The following RBL1 variants were observed in gnomAD, a reference collection of about 807,000 sequenced individuals.
The protein encoded by RBL1 is retinoblastoma-like protein 1.
Under a neutral mutation model 123.0 loss-of-function variants are expected in RBL1, and 82 were observed. The ratio of observed to expected loss-of-function variants is 0.67; its 90% confidence interval spans 0.56 to 0.80. RBL1 has a LOEUF of 0.80. RBL1 is among the 30% of genes least tolerant of loss of function. RBL1 has a pLI of 0.00. For synonymous variants in RBL1, 405 were observed against 441.3 expected (o/e 0.92, Z 1.03); for missense variants, 1,171 against 1,299.6 (o/e 0.90, Z 1.52).
chr20:37,068,112 A>T lies in RBL1; in HGVS notation c.365T>A (p.Ile122Lys), dbSNP rs2065212507. 1 of 1,613,170 alleles carries T rather than the reference A, an allele frequency of 6.2e-7. No homozygotes were observed. The highest frequency in any genetic ancestry group is 1.3e-5 in the African/African-American group (1 of 74,818). Reference protein sequence around the residue: ...SNLPQEFRERIERLERNFEVS... With the variant: ...SNLPQEFRERKERLERNFEVS... ...CTCAAAATTTCTCTCTAGCCTTTCT[A>T]TACGTTCACGAAATTCTTGTGGTAG... Residue 122 changes from isoleucine to lysine, a missense_variant, in exon 3 of 22, where the codon ATA (isoleucine) becomes AAA (lysine). Ile to Lys is a moderately radical substitution (Grantham distance 102, BLOSUM62 -3). Transcript: ENST00000373664.
intron 2 of RBL1, among the ~76,000 whole-genome samples, chr20:37,088,694 A>G (rs568284392): frequency 6.8e-6 from 1 of 146,108 alleles, no homozygotes; most frequent in South Asian, 2.1e-4. Context: ...ATCTCTACTA[A>G]AAAAAAAAAA....
In RBL1 at chr20:37,012,903, C is replaced by T. The variant is rs1315751442; in HGVS notation, c.2723-5344G>A. Among the ~76,000 whole-genome samples the T allele has an allele frequency of 8.7e-4, 127 of 146,190 alleles. 1 individual carries two copies. The highest frequency in any genetic ancestry group is 3.5e-4 in the Non-Finnish European group (23 of 66,386). On this transcript the variant is annotated intron_variant, in intron 19 of 21. Transcript: ENST00000373664. ...CCTCTGCCCGGCCAGCCGCCCCGTC[C>T]GGGAGGGAGGTGGGGGGTTCAGCCC...
chr20:37,061,019 G>A (rs1255250627), intron 9 of RBL1, 84 bp downstream of exon 9: 1 of 1,354,080 alleles, frequency 7.4e-7, no homozygotes, highest in Non-Finnish European at 9.8e-7. Flanking sequence ...ACTATCTTGA[G>A]AATTCTGAAT....
intron 1 of RBL1, among the ~76,000 whole-genome samples, chr20:37,090,893 G>A (rs113612763): frequency 2.6e-5 from 4 of 152,288 alleles, no homozygotes; most frequent in African/African-American, 9.6e-5. Flanking sequence ...TGCAGCACAC[G>A]ACTGTAGTAA....
intron 2 of RBL1, among the ~76,000 whole-genome samples, chr20:37,073,866 A>T (rs1304236752): frequency 4.0e-5 from 6 of 151,830 alleles, no homozygotes; most frequent in Non-Finnish European, 8.8e-5. Flanking sequence ...AAAAAAATTA[A>T]AAGGCCGAAG....
chr20:37,056,139 T>A lies in RBL1; in HGVS notation c.1363+7A>T. 1 of 1,603,086 alleles carries A rather than the reference T, an allele frequency of 6.2e-7. No individual in the cohort carries two copies. Among genetic ancestry groups the A allele is most frequent in the Non-Finnish European group, 8.5e-7 (1 of 1,177,886 alleles). ...ATGCTATGCCAACTGTAGTTTTCTT[T>A]TCTTACCTATGTGAGATCCTGGCTG... is the stretch of plus-strand genomic sequence containing the variant. On this transcript the variant is annotated splice_region_variant and intron_variant, in intron 10 of 21. Coordinates refer to ENST00000373664, the MANE Select transcript of RBL1 (RefSeq NM_002895.5).
Position 37,065,437 on chromosome 20 carries a change from A to C in RBL1, c.883T>G (p.Phe295Val), listed in dbSNP as rs763079681. The C allele has an allele frequency of 6.9e-6, 11 of 1,592,526 alleles. No homozygotes were observed. The highest frequency in any genetic ancestry group is 9.4e-6 in the Non-Finnish European group (11 of 1,165,932). ...KGECLLDLSS[F>V]TDNSKAVNKE... ...CTAGATATTTACCTATTATCAGTAA[A>C]ACTTGAAAGGTCCAGGAGGCATTCT... Residue 295 changes from phenylalanine to valine, a missense_variant, in exon 7 of 22, where the codon TTT becomes GTT. Physicochemically the swap from Phe to Val is conservative, Grantham distance 50. Transcript: ENST00000373664.
At position 37,084,891 on chromosome 20, in the gene RBL1, G is replaced by A. The variant is rs6031271; in HGVS notation, c.290+4098C>T. ...AGAAATTCTCTTGCCTTAGCCTCCC[G>A]AGTAGCTGGGATTACAGGTGTGCCC... is the stretch of plus-strand genomic sequence containing the variant. On this transcript the variant is annotated intron_variant, in intron 2 of 21. Coordinates refer to ENST00000373664, the MANE Select transcript of RBL1 (RefSeq NM_002895.5). 5.4e-3 allele frequency among the ~76,000 whole-genome samples: 825 copies of A among 151,594 alleles called. 8 individuals carry two copies. The highest frequency in any genetic ancestry group is 0.019 in the African/African-American group (781 of 41,282).
rs537489926 is a variant in RBL1, at chr20:37,030,672, C to T, written c.2382+1993G>A. The stretch of plus-strand genomic sequence containing the variant: ...TAGTTTGAAACCAGCCAAACCAGCA[C>T]GGTGAAACCTCGTCTCTACTAAAAA... On this transcript the variant is annotated intron_variant, in intron 16 of 21. Transcript: ENST00000373664. 4.7e-4 allele frequency among the ~76,000 whole-genome samples: 72 copies of T among 151,904 alleles called. 1 individual carries two copies. The highest frequency in any genetic ancestry group is 3.4e-3 in the Middle Eastern group (1 of 294).
intron 12 of RBL1, among the ~76,000 whole-genome samples, chr20:37,046,803 G>C (rs923850025): frequency 6.6e-6 from 1 of 151,814 alleles, no homozygotes. Context: ...AGTAGAGACG[G>C]AGTTTCACCA....
chr20:37,052,448 C>T (rs1340204742), intron 11 of RBL1, among the ~76,000 whole-genome samples: 3 of 152,142 alleles, frequency 2.0e-5, no homozygotes, highest in African/African-American at 7.2e-5. Flanking sequence ...TCTCCTGCTT[C>T]AGCCTCCCGA....
chr20:37,040,258 C>G lies in RBL1; in HGVS notation c.1798G>C (p.Gly600Arg). Reference protein sequence around the residue: ...EVIFPNNFETGNGGNVQGHLP... With the variant: ...EVIFPNNFETRNGGNVQGHLP... ...TGTCCCTGCACATTTCCTCCATTTC[C>G]TGTTTCAAAGTTATTTGGGAATATA... is the stretch of plus-strand genomic sequence containing the variant. The change falls in exon 14 of 22, where the codon GGA becomes CGA. Residue 600 changes from glycine to arginine, a missense_variant. Gly to Arg is a moderately radical substitution (Grantham distance 125). Transcript: ENST00000373664. 4 of 1,614,058 alleles carry G rather than the reference C, an allele frequency of 2.5e-6. No individual in the cohort carries two copies. The highest frequency in any genetic ancestry group is 3.4e-6 in the Non-Finnish European group (4 of 1,179,964).
At chr20:37,000,736 C>A (rs1337231433) in intron 21 of RBL1, among the ~76,000 whole-genome samples, 1 of 135,046 alleles carries the variant, frequency 7.4e-6, no homozygotes, top group African/African-American at 2.8e-5. Flanking sequence ...GGTCAGCCCC[C>A]CGCCCGGCCA....
intron 14 of RBL1, among the ~76,000 whole-genome samples, chr20:37,038,945 T>C (rs1054950092): frequency 9.8e-5 from 15 of 152,298 alleles, no homozygotes; most frequent in Non-Finnish European, 1.3e-4. Flanking sequence ...AAAGCAAAGA[T>C]TGCAGACAGA....
chr20:37,055,784 C>T (rs946545855), intron 10 of RBL1, 128 bp from the exon 11 acceptor site: 5 of 946,898 alleles, frequency 5.3e-6, no homozygotes, highest in Non-Finnish European at 6.1e-6. Context: ...AATGGTGGCT[C>T]ACGCCTGTAA....
chr20:37,000,562 G>A (rs961711211), intron 21 of RBL1, among the ~76,000 whole-genome samples: 1 of 138,094 alleles, frequency 7.2e-6, no homozygotes, highest in Non-Finnish European at 1.6e-5. Context: ...GAGCCCCTCT[G>A]CCCGGCCAGC....
intron 16 of RBL1, among the ~76,000 whole-genome samples, chr20:37,031,895 T>C (rs6103326): frequency 0.6 from 90,237 of 149,870 alleles, 28,118 homozygotes; most frequent in African/African-American, 0.78. Flanking sequence ...TCTGCCACCA[T>C]ACCTGGCTGC....
chr20:37,089,127 C>T lies in RBL1; in HGVS notation c.157-5G>A. 6.3e-7 allele frequency: 1 copy of T among 1,590,966 alleles called. No homozygotes were observed. On this transcript the variant is annotated splice_polypyrimidine_tract_variant and splice_region_variant and intron_variant, in intron 1 of 21. Transcript: ENST00000373664. ...CAACCAGTGTGTAACTTCTCCCTGG[C>T]AAGCAAAAGACAAACAGCAAAACAG...
chr20:37,002,306 AGGT>A (rs2063997887), intron 21 of RBL1, among the ~76,000 whole-genome samples: 1 of 142,108 alleles, frequency 7.0e-6, no homozygotes, highest in African/African-American at 2.6e-5. Flanking sequence ...CTAGAATTAC[AGGT>A]GTGAGCCACC....
Sources: allele counts gnomAD v4.1 joint callset (sites outside exome capture counted in the v4.1 genomes callset), GRCh38; gene constraint gnomAD v4.1.1; transcripts MANE v1.5; gene names NCBI Gene and HGNC (gene_info 2026-07-23, HGNC 2026-07-21).